The following ZNF44 variants were observed in gnomAD, a reference collection of about 807,000 sequenced individuals.
The protein encoded by ZNF44 is zinc finger protein 44, also known as gonadotropin inducible transcription repressor-2.
ZNF44 carries 9 observed loss-of-function variants against 11.7 expected under a neutral mutation model. The observed-to-expected ratio is 0.77, with a 90% CI of 0.46 to 1.35. The LOEUF (loss-of-function observed/expected upper bound fraction) is 1.35, where lower values mean the gene tolerates loss of function less well. Ranked by LOEUF, ZNF44 falls within the 40% of genes most tolerant of loss-of-function variation. The pLI, the probability that ZNF44 is intolerant of heterozygous loss-of-function variation, is 0.00. For missense variants in ZNF44, 696 were observed against 743.1 expected (o/e 0.94, Z 0.74); for synonymous variants, 224 against 242.7 (o/e 0.92, Z 0.72).
intron 2 of ZNF44, among the ~76,000 whole-genome samples, chr19:12,234,355 T>A (rs1916292735): frequency 6.6e-6 from 1 of 152,228 alleles, no homozygotes; most frequent in Admixed American, 6.5e-5. Context: ...TAAAAATTGA[T>A]AACATGCAAA....
At chr19:12,271,104 G>A (rs1024421597), downstream of ZNF44, among the ~76,000 whole-genome samples, 1 of 152,164 alleles carries the variant, frequency 6.6e-6, no homozygotes, top group East Asian at 1.9e-4. Context: ...AAGAGGAGCA[G>A]TGCCATTGAT....
chr19:12,247,875 G>A, exon 8 of ZNF44: 1 of 1,316,602 alleles, frequency 7.6e-7, no homozygotes, highest in Non-Finnish European at 1.0e-6. Context: ...TTTCTGTGCA[G>A]TGTGATTCCT....
intron 2 of ZNF44, among the ~76,000 whole-genome samples, chr19:12,231,420 G>A (rs1277027722): frequency 2.0e-5 from 3 of 152,150 alleles, no homozygotes; most frequent in African/African-American, 4.8e-5. Flanking sequence ...GCTTGCCAAC[G>A]CTCCTACCCA....
At chr19:12,290,395 CAA>C (rs1173811759) in intron 1 of ZNF44, among the ~76,000 whole-genome samples, 15 of 93,900 alleles carry the variant, frequency 1.6e-4, no homozygotes, top group Non-Finnish European at 2.0e-4. Flanking sequence ...CCGTCTTAAA[CAA>C]AAAAAAAAAA....
chr19:12,249,277 G>C (rs991680710), intron 7 of ZNF44, among the ~76,000 whole-genome samples: 1 of 151,312 alleles, frequency 6.6e-6, no homozygotes, highest in Non-Finnish European at 1.5e-5. Flanking sequence ...AGGCCGAGGC[G>C]GGCGGATCAC....
chr19:12,258,386 C>A (rs927385580), intron 5 of ZNF44, among the ~76,000 whole-genome samples: 25 of 140,846 alleles, frequency 1.8e-4, no homozygotes, highest in South Asian at 1.2e-3. Context: ...CCCTTCACTA[C>A]AACCATACAA....
chr19:12,284,891 C>G (rs1464805791), intron 1 of ZNF44: 1 of 734,444 alleles, frequency 1.4e-6, no homozygotes, highest in Non-Finnish European at 2.4e-6. Context: ...TGCGCCTCAT[C>G]CCCGCACCCA....
intron 5 of ZNF44, among the ~76,000 whole-genome samples, chr19:12,258,531 A>G (rs745734512): frequency 5.3e-5 from 8 of 151,832 alleles, no homozygotes; most frequent in Non-Finnish European, 1.2e-4. Flanking sequence ...ACTGCCAAAT[A>G]CCTAATTTGA....
At position 12,272,880 on chromosome 19, in the gene ZNF44, C is replaced by T. The variant is rs375957295; in HGVS notation, c.1375G>A (p.Asp459Asn). The T allele has an allele frequency of 3.4e-5, 55 of 1,613,922 alleles. No individual in the cohort carries two copies. Among genetic ancestry groups the T allele is most frequent in the Non-Finnish European group, 1.1e-5 (13 of 1,180,000 alleles). Residue 459 changes from aspartate (D) to asparagine (N), a missense_variant, in exon 4 of 4, where the codon GAT (aspartate) becomes AAT (asparagine). Physicochemically the swap from Asp to Asn is conservative, Grantham distance 23. Transcript: ENST00000355684. ...TCATGACTTTGAAAGGAAAATAAAT[C>T]ACTAAAAGCTTTTCCACATTTACAT... ...YKCKCGKAFS[D>N]LFSFQSHETT...
chr19:12,252,732 T>TAA (rs546990834), intron 5 of ZNF44, among the ~76,000 whole-genome samples: 5 of 140,282 alleles, frequency 3.6e-5, no homozygotes, highest in Non-Finnish European at 6.2e-5. Context: ...TAAAATAGTG[T>TAA]AAAAAAAAAA....
chr19:12,253,489 C>T (rs1324191031), intron 5 of ZNF44, among the ~76,000 whole-genome samples: 1 of 152,012 alleles, frequency 6.6e-6, no homozygotes, highest in Non-Finnish European at 1.5e-5. Flanking sequence ...TGTACCCGCC[C>T]AAGGAGTTGA....
At chr19:12,250,471 G>C in intron 5 of ZNF44, 3 of 1,020,512 alleles carry the variant, frequency 2.9e-6, no homozygotes, top group Non-Finnish European at 3.9e-6. Context: ...GTGATCTCCA[G>C]AGATTTATTC....
At chr19:12,259,166 C>T (rs1312179532) in intron 5 of ZNF44, among the ~76,000 whole-genome samples, 3 of 152,144 alleles carry the variant, frequency 2.0e-5, no homozygotes, top group Admixed American at 6.5e-5. Flanking sequence ...TGAGCCACCG[C>T]ACCTGGCCCT....
At chr19:12,244,113 C>T (rs1916703111), downstream of ZNF44, among the ~76,000 whole-genome samples, 1 of 152,130 alleles carries the variant, frequency 6.6e-6, no homozygotes, top group African/African-American at 2.4e-5. Flanking sequence ...TGGATTCAAA[C>T]GATCTTCCTG....
chr19:12,240,570 A>T (rs980821263), upstream of ZNF44, among the ~76,000 whole-genome samples: 6 of 152,174 alleles, frequency 3.9e-5, no homozygotes, highest in African/African-American at 1.4e-4. Flanking sequence ...CTGGCTATAA[A>T]ACTACCATCA....
At chr19:12,278,542 G>A (rs993417919) in intron 1 of ZNF44, among the ~76,000 whole-genome samples, 22 of 152,038 alleles carry the variant, frequency 1.4e-4, no homozygotes, top group Non-Finnish European at 3.2e-4. Context: ...ACCAGCCTGG[G>A]CAATGTGGGG....
chr19:12,250,019 C>G, exon 7 of ZNF44: 2 of 1,284,650 alleles, frequency 1.6e-6, no homozygotes, highest in Non-Finnish European at 1.0e-6. Context: ...CTTCAATGTT[C>G]CATTCTTTTT....
intron 1 of ZNF44, among the ~76,000 whole-genome samples, chr19:12,292,220 G>A (rs1473353686): frequency 1.3e-5 from 2 of 151,892 alleles, no homozygotes; most frequent in Admixed American, 1.3e-4. Context: ...TCCGGAGGCT[G>A]AGCCCAGGCA....
intron 1 of ZNF44, among the ~76,000 whole-genome samples, chr19:12,286,158 T>C (rs527463136): frequency 6.6e-6 from 1 of 152,320 alleles, no homozygotes; most frequent in East Asian, 1.9e-4. Context: ...AGCACAATTT[T>C]TGTGTTTTTC....
Sources: allele counts gnomAD v4.1 joint callset (sites outside exome capture counted in the v4.1 genomes callset), GRCh38; gene constraint gnomAD v4.1.1; transcripts MANE v1.5; gene names NCBI Gene and HGNC (gene_info 2026-07-23, HGNC 2026-07-21).